Variants in BICC1 observed in about 807,000 individuals in gnomAD.
The protein encoded by BICC1 is BicC family RNA binding protein 1.
BICC1 carries 43 observed loss-of-function variants against 111.0 expected under a neutral mutation model. That is an observed-to-expected ratio of 0.39 (90% CI 0.30 to 0.50). The LOEUF (loss-of-function observed/expected upper bound fraction) is 0.50, where lower values mean the gene tolerates loss of function less well. Among genes scored for constraint, BICC1 ranks in the 20% least tolerant of loss-of-function variants. The probability of loss-of-function intolerance (pLI) is 0.88; values close to 1 mark genes in which losing one functional copy is unlikely to be tolerated. For missense variants in BICC1, 1,091 were observed against 1,203.2 expected (o/e 0.91, Z 1.38); for synonymous variants, 467 against 434.4 (o/e 1.07, Z -0.93).
intron 2 of BICC1, among the ~76,000 whole-genome samples, chr10:58,642,666 T>TTTATTA (rs138889861): frequency 6.7e-6 from 1 of 148,206 alleles, no homozygotes; most frequent in African/African-American, 2.5e-5. Flanking sequence ...ATATGAACCA[T>TTTATTA]TTATTATTAT....
At chr10:58,618,616 T>C (rs1328619416) in intron 1 of BICC1, among the ~76,000 whole-genome samples, 1 of 152,122 alleles carries the variant, frequency 6.6e-6, no homozygotes, top group Non-Finnish European at 1.5e-5. Flanking sequence ...CCCCCTCCCC[T>C]TGGTCTCCCG....
At chr10:58,810,175 C>G (rs1266630545) in intron 17 of BICC1, among the ~76,000 whole-genome samples, 1 of 152,214 alleles carries the variant, frequency 6.6e-6, no homozygotes, top group African/African-American at 2.4e-5. Flanking sequence ...CTCTTCTGCT[C>G]CAGCACTTGC....
chr10:58,549,772 G>A (rs552727146), intron 1 of BICC1, among the ~76,000 whole-genome samples: 1 of 148,034 alleles, frequency 6.8e-6, no homozygotes, highest in Non-Finnish European at 1.5e-5. Flanking sequence ...TGCAACCTCC[G>A]CTTCCTGAGT....
At chr10:58,653,854 TCA>T (rs1838535877) in intron 2 of BICC1, among the ~76,000 whole-genome samples, 1 of 124,458 alleles carries the variant, frequency 8.0e-6, no homozygotes, top group Non-Finnish European at 1.6e-5. Flanking sequence ...ACCACAGTCC[TCA>T]GAGTGTGATA....
intron 1 of BICC1, among the ~76,000 whole-genome samples, chr10:58,534,831 C>G (rs1842785203): frequency 1.8e-5 from 2 of 114,244 alleles, no homozygotes; most frequent in South Asian, 5.4e-4. Flanking sequence ...AAAACCAACA[C>G]AAATTAAAAA....
intron 1 of BICC1, among the ~76,000 whole-genome samples, chr10:58,614,507 T>G (rs919418031): frequency 1.3e-5 from 2 of 152,246 alleles, no homozygotes; most frequent in African/African-American, 4.8e-5. Context: ...TAATTTGCCA[T>G]TTCTGGCTTC....
intron 1 of BICC1, among the ~76,000 whole-genome samples, chr10:58,585,044 T>G (rs1245502994): frequency 1.3e-5 from 2 of 152,234 alleles, no homozygotes; most frequent in African/African-American, 2.4e-5. Flanking sequence ...CAATTATACC[T>G]GGCAAGTGGT....
At chr10:58,618,609 C>G (rs1009173505) in intron 1 of BICC1, among the ~76,000 whole-genome samples, 1 of 152,174 alleles carries the variant, frequency 6.6e-6, no homozygotes. Flanking sequence ...TCATCCACCC[C>G]CTCCCCTTGG....
chr10:58,813,514 G>C (rs1843980228), intron 17 of BICC1, among the ~76,000 whole-genome samples: 1 of 152,098 alleles, frequency 6.6e-6, no homozygotes, highest in Non-Finnish European at 1.5e-5. Flanking sequence ...AAATTGGAAG[G>C]AGTCTCAGCA....
intron 2 of BICC1, among the ~76,000 whole-genome samples, chr10:58,675,695 C>T (rs993160328): frequency 7.9e-5 from 12 of 152,064 alleles, no homozygotes; most frequent in African/African-American, 1.9e-4. Flanking sequence ...GCATGAGTGG[C>T]GATGGATGTG....
At chr10:58,645,771 G>A (rs756615226) in intron 2 of BICC1, among the ~76,000 whole-genome samples, 11 of 152,170 alleles carry the variant, frequency 7.2e-5, no homozygotes, top group Non-Finnish European at 1.5e-4. Flanking sequence ...AAGATTGTGG[G>A]CAGATCATTT....
At chr10:58,565,474 A>T (rs1486907814) in intron 1 of BICC1, among the ~76,000 whole-genome samples, 1 of 152,196 alleles carries the variant, frequency 6.6e-6, no homozygotes, top group Non-Finnish European at 1.5e-5. Flanking sequence ...GGTTTAGGAA[A>T]GAGGGCAATA....
At chr10:58,535,031 A>G (rs1224085025) in intron 1 of BICC1, among the ~76,000 whole-genome samples, 2 of 151,682 alleles carry the variant, frequency 1.3e-5, no homozygotes, top group South Asian at 4.1e-4. Context: ...AATTAACCCA[A>G]TCAGACAAAA....
intron 1 of BICC1, among the ~76,000 whole-genome samples, chr10:58,553,455 C>T (rs941954158): frequency 1.3e-5 from 2 of 152,130 alleles, no homozygotes; most frequent in African/African-American, 4.8e-5. Context: ...GACAGATTAT[C>T]CTCTAGAGTT....
intron 2 of BICC1, among the ~76,000 whole-genome samples, chr10:58,640,757 G>C (rs887153504): frequency 2.0e-5 from 3 of 152,172 alleles, no homozygotes; most frequent in African/African-American, 7.2e-5. Context: ...ACAAAGTATA[G>C]AGAAATGAGT....
At chr10:58,563,067 A>ATGCCT (rs1350753066) in intron 1 of BICC1, among the ~76,000 whole-genome samples, 2 of 152,136 alleles carry the variant, frequency 1.3e-5, no homozygotes, top group Non-Finnish European at 2.9e-5. Context: ...ATGGGCTTGC[A>ATGCCT]TGCCTGAGTC....
intron 3 of BICC1, among the ~76,000 whole-genome samples, chr10:58,705,866 C>G (rs1035846883): frequency 2.6e-5 from 4 of 152,028 alleles, no homozygotes; most frequent in African/African-American, 9.7e-5. Flanking sequence ...TAAAACATCT[C>G]TAGAGTATTT....
Position 58,566,683 on chromosome 10 carries a change from G to C in BICC1, c.190+53350G>C, listed in dbSNP as rs184115268. Among the ~76,000 whole-genome samples, 120 of 151,862 alleles carry C rather than the reference G, an allele frequency of 7.9e-4. 1 individual carries two copies. Among genetic ancestry groups the C allele is most frequent in the African/African-American group, 2.7e-3 (112 of 41,410 alleles). On this transcript the variant is annotated intron_variant, in intron 1 of 20. Coordinates refer to ENST00000373886, the MANE Select transcript of BICC1 (RefSeq NM_001080512.3). ...TCATCTATTATTTTTTGATTTTTTTGACTATGGCCATTTTTGCAGGAGTAA... is the reference window on the plus strand; with the variant it reads ...TCATCTATTATTTTTTGATTTTTTTCACTATGGCCATTTTTGCAGGAGTAA...
At chr10:58,555,305 C>CTTTT (rs1564485963) in intron 1 of BICC1, among the ~76,000 whole-genome samples, 1 of 93,828 alleles carries the variant, frequency 1.1e-5, no homozygotes, top group African/African-American at 4.4e-5. Context: ...GGCTGTTGGA[C>CTTTT]ATTTTTTTTT....
Sources: allele counts gnomAD v4.1 joint callset (sites outside exome capture counted in the v4.1 genomes callset), GRCh38; gene constraint gnomAD v4.1.1; transcripts MANE v1.5; gene names NCBI Gene and HGNC (gene_info 2026-07-23, HGNC 2026-07-21).